The following THBS1 variants were observed in gnomAD, a reference collection of about 807,000 sequenced individuals.
THBS1 encodes the protein thrombospondin-1.
In THBS1, 29 loss-of-function variants were observed where a neutral mutation model predicts 126.1. That is an observed-to-expected ratio of 0.23 (90% CI 0.17 to 0.31). The LOEUF (loss-of-function observed/expected upper bound fraction) is 0.31, where lower values mean the gene tolerates loss of function less well. Ranked by LOEUF, THBS1 falls within the 10% of genes least tolerant of loss-of-function variation. The probability of loss-of-function intolerance (pLI) is 1.00; values close to 1 mark genes in which losing one functional copy is unlikely to be tolerated. For synonymous variants in THBS1, 496 were observed against 577.8 expected, an observed-to-expected ratio of 0.86 and a Z score of 2.03; for missense variants, 1,198 against 1,545.2, an observed-to-expected ratio of 0.78 and a Z score of 3.77.
chr15:39,591,698 G>T (rs996688204), intron 16 of THBS1, 75 bp downstream of exon 16: 1 of 1,359,544 alleles, frequency 7.4e-7, no homozygotes, highest in Non-Finnish European at 1.1e-6. Context: ...TGAAAAATGA[G>T]CTTAACAAAG....
Position 39,588,516 on chromosome 15 carries a change from C to A in THBS1, c.1472-10C>A. ...ATCTTAATTGTTGCCTGTGGTTCAT[C>A]TTCTTACAGTCAATGGAGGCTGGGG... is the stretch of plus-strand genomic sequence containing the variant. On this transcript the variant is annotated splice_polypyrimidine_tract_variant and intron_variant, in intron 9 of 21. Coordinates refer to ENST00000260356, the MANE Select transcript of THBS1 (RefSeq NM_003246.4). The A allele has an allele frequency of 6.5e-7, 1 of 1,536,678 alleles. No individual in the cohort carries two copies. Among genetic ancestry groups the A allele is most frequent in the Non-Finnish European group, 8.7e-7 (1 of 1,144,990 alleles).
At chr15:39,586,836 T>A (rs1341961235) in intron 7 of THBS1, 2 of 152,318 alleles carry the variant, frequency 1.3e-5, no homozygotes, top group Non-Finnish European at 2.9e-5. Flanking sequence ...TAGGAGAGCA[T>A]ACACTGTGGG....
chr15:39,586,550 A>G (rs1453753580), intron 7 of THBS1: 6 of 152,192 alleles, frequency 3.9e-5, no homozygotes, highest in Admixed American at 3.9e-4. Flanking sequence ...TCTTATGACA[A>G]TATGTGCAGA....
rs765500871 is a variant in THBS1 at position 39,593,001 on chromosome 15, C to T, written c.2769C>T (p.Gly923=). 1.4e-5 allele frequency: 23 copies of T among 1,612,882 alleles called. No homozygotes were observed. The East Asian group carries it at 1.6e-4, about 11-fold the overall frequency. Residue 923 remains glycine (G), a splice_region_variant and synonymous_variant, in exon 18 of 22, where the codon GGC becomes GGT. Coordinates refer to ENST00000260356, the MANE Select transcript of THBS1 (RefSeq NM_003246.4). This position sits in a 1 kb window ranked among gnomAD's most constrained non-coding sequence, Gnocchi z 5.9. ...VPNPDQKDSD[G]DGRGDACKDD... is the part of the protein sequence containing the mutation. Reference sequence around the variant, plus strand: ...GAACTCTTGCTTTTTTGACCTCAGGCGATGGTCGAGGTGATGCCTGCAAAG... The same window carrying T: ...GAACTCTTGCTTTTTTGACCTCAGGTGATGGTCGAGGTGATGCCTGCAAAG...
Position 39,587,366 on chromosome 15 carries a change from T to C in THBS1, c.1140T>C (p.Asp380=). The change falls in exon 8 of 22, where the codon GAT becomes GAC. Residue 380 remains aspartate (D), a synonymous_variant. Transcript: ENST00000260356. ...CTGCAGCCAGCGACTCTGCGGACGA[T>C]GGCTGGTCTCCATGGTCCGAGTGGA... ...PRCWPSDSAD[D]GWSPWSEWTS... 1.9e-6 allele frequency: 3 copies of C among 1,613,396 alleles called. No individual in the cohort carries two copies. Among genetic ancestry groups the C allele is most frequent in the East Asian group, 2.2e-5 (1 of 44,872 alleles).
chr15:39,582,242 C>T lies in THBS1; in HGVS notation c.117C>T (p.Ala39=). 6.2e-7 allele frequency: 1 copy of T among 1,613,786 alleles called. No individual in the cohort carries two copies. Among genetic ancestry groups the T allele is most frequent in the Non-Finnish European group, 8.5e-7 (1 of 1,179,880 alleles). The change falls in exon 3 of 22, where the codon GCC becomes GCT. Residue 39 remains alanine (A), a synonymous_variant. Coordinates refer to ENST00000260356, the MANE Select transcript of THBS1 (RefSeq NM_003246.4). ...SVFDIFELTG[A]ARKGSGRRLV... is the part of the protein sequence containing the mutation. ...TTGACATCTTTGAACTCACCGGGGCCGCCCGCAAGGGGTCTGGGCGCCGAC... is the reference window on the plus strand; with the variant it reads ...TTGACATCTTTGAACTCACCGGGGCTGCCCGCAAGGGGTCTGGGCGCCGAC...
In THBS1 at chr15:39,599,131, C is replaced by A. The variant is rs907032766; in HGVS notation, c.*3762C>A. On this transcript the variant is annotated 3_prime_UTR_variant, in exon 22 of 22. Coordinates refer to ENST00000260356, the MANE Select transcript of THBS1 (RefSeq NM_003246.4). ...GTAAAGACGGGGTTTCACCTTGTTC[C>A]GGACAAACACTAAGCCCTAAAGGGA... is the stretch of plus-strand genomic sequence containing the variant. 6.6e-6 allele frequency: 1 copy of A among 151,960 alleles called. No individual in the cohort carries two copies. Among genetic ancestry groups the A allele is most frequent in the African/African-American group, 2.4e-5 (1 of 41,386 alleles). The allele number at this position is 151,960 out of a possible 1,614,324, so 9.4% of individuals were successfully genotyped here. A position where few individuals can be genotyped will look rare whatever the true frequency, so the allele number is the denominator to read the frequency against.
chr15:39,591,330 C>G lies in THBS1; in HGVS notation c.2393C>G (p.Ala798Gly). ...AACAATGGGGAAGGAGACGCCTGTG[C>G]TGCAGACATTGATGGAGACGGTAAG... ...TDNNGEGDAC[A>G]ADIDGDGILN... Residue 798 changes from alanine (A) to glycine (G), a missense_variant, in exon 15 of 22, where the codon GCT (alanine) becomes GGT (glycine). Physicochemically the swap from Ala to Gly is moderately conservative, Grantham distance 60. Coordinates refer to ENST00000260356, the MANE Select transcript of THBS1 (RefSeq NM_003246.4). The G allele has an allele frequency of 6.2e-7, 1 of 1,614,018 alleles. No homozygotes were observed. Among genetic ancestry groups the G allele is most frequent in the Non-Finnish European group, 8.5e-7 (1 of 1,179,938 alleles).
At position 39,590,596 on chromosome 15, in the gene THBS1, T is replaced by C. The variant is rs1890308500; in HGVS notation, c.2226T>C (p.Asp742=). Residue 742 remains aspartate, a synonymous_variant, in exon 14 of 22, where the codon GAT becomes GAC. Transcript: ENST00000260356. The stretch of plus-strand genomic sequence containing the variant: ...TTGGTGATGCCTGTGATGATGACGA[T>C]GACAATGATAAAATTCCAGATGACA... The part of the protein sequence containing the change: ...DGIGDACDDD[D]DNDKIPDDRD... 6.2e-7 allele frequency: 1 copy of C among 1,613,814 alleles called. No homozygotes were observed. The highest frequency in any genetic ancestry group is 8.5e-7 in the Non-Finnish European group (1 of 1,179,868).
chr15:39,594,495 T>G lies in THBS1; in HGVS notation c.3505+55T>G. ...TGGACATCTCTATTTCAGACTAATA[T>G]CAAGGATGACGGTTATGGGGGAGTC... On this transcript the variant is annotated intron_variant, in intron 21 of 21. Transcript: ENST00000260356. The surrounding 1 kb of genome is among the most constrained non-coding windows in gnomAD (Gnocchi z 4.4). 1 of 1,594,104 alleles carries G rather than the reference T, an allele frequency of 6.3e-7. No homozygotes were observed. Among genetic ancestry groups the G allele is most frequent in the East Asian group, 2.2e-5 (1 of 44,814 alleles).
In THBS1 at chr15:39,585,482, A is replaced by G; in HGVS notation, c.1039A>G (p.Ile347Val). The G allele has an allele frequency of 6.2e-7, 1 of 1,614,120 alleles. No homozygotes were observed. Among genetic ancestry groups the G allele is most frequent in the Non-Finnish European group, 8.5e-7 (1 of 1,179,984 alleles). ...TCTTGCCCTGCAGAACTCAGTTACC[A>G]TCTGCAAAAAGGTGTCCTGCCCCAT... Reference protein sequence around the residue: ...TECHCQNSVTICKKVSCPIMP... With the variant: ...TECHCQNSVTVCKKVSCPIMP... Residue 347 changes from isoleucine to valine, a missense_variant, in exon 7 of 22, where the codon ATC (isoleucine) becomes GTC (valine). Ile to Val is a conservative substitution (Grantham distance 29). This residue lies in a region of THBS1 where 663 missense variants were observed against 860.1 expected (regional missense o/e 0.77). Coordinates refer to ENST00000260356, the MANE Select transcript of THBS1 (RefSeq NM_003246.4).
chr15:39,588,900 G>A, intron 10 of THBS1, 59 bp from the exon 11 acceptor site: 1 of 1,613,840 alleles, frequency 6.2e-7, no homozygotes, highest in Non-Finnish European at 8.5e-7. Context: ...TGCCCAGCAT[G>A]GCAGTATGGC....
In THBS1 at chr15:39,594,281, A is replaced by C; in HGVS notation, c.3366-20A>C. 1 of 1,613,968 alleles carries C rather than the reference A, an allele frequency of 6.2e-7. No homozygotes were observed. ...GTATTAAATAGCATTGTCACTAAAC[A>C]AGATTTTTTTTCCCTGCAGAGTGGT... On this transcript the variant is annotated intron_variant, in intron 20 of 21. Transcript: ENST00000260356. The surrounding 1 kb of genome is among the most constrained non-coding windows in gnomAD (Gnocchi z 4.4).
chr15:39,584,553 TC>T, intron 6 of THBS1, 131 bp downstream of exon 6: 1 of 1,276,476 alleles, frequency 7.8e-7, no homozygotes, highest in Non-Finnish European at 1.1e-6. Flanking sequence ...GTTTTTTTTT[TC>T]TTTAAGATGC....
intron 7 of THBS1, 177 bp from the exon 8 acceptor site, chr15:39,587,170 A>G (rs540972768): frequency 1.9e-6 from 1 of 514,044 alleles, no homozygotes; most frequent in East Asian, 3.0e-5. Flanking sequence ...ATATCAAAAC[A>G]TCACATTATA....
chr15:39,598,782 G>T lies in THBS1; in HGVS notation c.*3413G>T, dbSNP rs1369868355. On this transcript the variant is annotated 3_prime_UTR_variant, in exon 22 of 22. Transcript: ENST00000260356. The stretch of plus-strand genomic sequence containing the variant: ...TCGAGTGAAGAGCAATAAACTCCAG[G>T]TCTTATAAGAATGTACATACAATAA... The T allele has an allele frequency of 6.6e-6, 1 of 151,550 alleles. No individual in the cohort carries two copies. Among genetic ancestry groups the T allele is most frequent in the Non-Finnish European group, 1.5e-5 (1 of 67,922 alleles). 9.4% of individuals were successfully genotyped at this position (151,550 alleles called of 1,614,324 possible).
rs140180358 is a variant in THBS1 at position 39,598,195 on chromosome 15, G to C, written c.*2826G>C. The C allele has an allele frequency of 6.6e-6, 1 of 152,136 alleles. No homozygotes were observed. The highest frequency in any genetic ancestry group is 1.5e-5 in the Non-Finnish European group (1 of 68,026). 9.4% of individuals were successfully genotyped at this position (152,136 alleles called of 1,614,324 possible). ...GTTTTAATGAAAACAGATCAAAGAA[G>C]AAATTTTATGAGTAGGTTAAAGGTC... On this transcript the variant is annotated 3_prime_UTR_variant, in exon 22 of 22. Transcript: ENST00000260356.
chr15:39,588,323 T>G (rs1890251026), intron 9 of THBS1, 105 bp downstream of exon 9: 1 of 1,405,794 alleles, frequency 7.1e-7, no homozygotes, highest in African/African-American at 1.5e-5. Context: ...AGCAGGAAGG[T>G]TACCTACTAG....
rs1434058160 is a variant in THBS1, at chr15:39,595,959, C to T, written c.*590C>T. On this transcript the variant is annotated 3_prime_UTR_variant, in exon 22 of 22. Coordinates refer to ENST00000260356, the MANE Select transcript of THBS1 (RefSeq NM_003246.4). ...ATTTCATGATGCTGACTGGCGTTAG[C>T]TGATTAACCCATGTAAATAGGCACT... 1.9e-5 allele frequency: 8 copies of T among 427,660 alleles called. No homozygotes were observed. The highest frequency in any genetic ancestry group is 1.9e-5 in the Non-Finnish European group (4 of 210,330). 26.5% of individuals were successfully genotyped at this position (427,660 alleles called of 1,614,324 possible).
Sources: allele counts gnomAD v4.1 joint callset, GRCh38; gene constraint gnomAD v4.1.1; regional missense constraint gnomAD v4.1.1; non-coding constraint Gnocchi (gnomAD v3.1); transcripts MANE v1.5; gene names NCBI Gene and HGNC (gene_info 2026-07-23, HGNC 2026-07-21).